Variants in CTNNA3 observed in about 807,000 individuals in gnomAD.
The protein encoded by CTNNA3 is catenin alpha-3.
In CTNNA3, 76 loss-of-function variants were observed where a neutral mutation model predicts 95.7. The observed-to-expected ratio is 0.79, with a 90% CI of 0.66 to 0.96. The LOEUF (loss-of-function observed/expected upper bound fraction) is 0.96. Ranked by LOEUF, CTNNA3 falls within the 40% of genes least tolerant of loss-of-function variation. The pLI, the probability that CTNNA3 is intolerant of heterozygous loss-of-function variation, is 0.00. For missense variants in CTNNA3, 1,191 were observed against 1,089.8 expected (o/e 1.09, Z -1.31); for synonymous variants, 431 against 374.4 (o/e 1.15, Z -1.74).
chr10:67,696,103 C>T lies in CTNNA3; in HGVS notation c.-109G>A, dbSNP rs1840959598. On this transcript the variant is annotated 5_prime_UTR_variant, in exon 1 of 18. Transcript: ENST00000433211. ...GGACGGAAAAAGGCTTCTTGGTGGT[C>T]ACAGAGTTACAGAGTACCAAATTGA... 1 of 151,964 alleles carries T rather than the reference C, an allele frequency of 6.6e-6. No homozygotes were observed. The highest frequency in any genetic ancestry group is 2.1e-4 in the South Asian group (1 of 4,800). 9.4% of individuals were successfully genotyped at this position (151,964 alleles called of 1,614,324 possible). A position where few individuals can be genotyped will look rare whatever the true frequency, so the allele number is the denominator to read the frequency against.
chr10:67,295,337 T>C (rs1839992971), intron 5 of CTNNA3, among the ~76,000 whole-genome samples: 1 of 152,164 alleles, frequency 6.6e-6, no homozygotes, highest in African/African-American at 2.4e-5. Flanking sequence ...AACAGATAGA[T>C]CATAAATTGT....
intron 7 of CTNNA3, among the ~76,000 whole-genome samples, chr10:66,968,581 C>G (rs1849559073): frequency 6.6e-6 from 1 of 151,926 alleles, no homozygotes; most frequent in African/African-American, 2.4e-5. Context: ...AAGGTTGTCT[C>G]CTCAGTGCCT....
chr10:67,106,751 C>T (rs990423900), intron 7 of CTNNA3, among the ~76,000 whole-genome samples: 4 of 152,058 alleles, frequency 2.6e-5, no homozygotes, highest in African/African-American at 9.7e-5. Flanking sequence ...GTATAGACCC[C>T]AATGCTAAGT....
intron 10 of CTNNA3, among the ~76,000 whole-genome samples, chr10:66,544,263 T>C (rs890936175): frequency 8.6e-5 from 13 of 152,034 alleles, no homozygotes; most frequent in Non-Finnish European, 1.8e-4. Flanking sequence ...CCATGCAGCC[T>C]ATTAACCTAT....
chr10:67,548,010 C>T (rs1294248212), intron 3 of CTNNA3, among the ~76,000 whole-genome samples: 1 of 152,196 alleles, frequency 6.6e-6, no homozygotes, highest in African/African-American at 2.4e-5. Flanking sequence ...AGATGTTTAT[C>T]CCCGCCAAAT....
intron 14 of CTNNA3, among the ~76,000 whole-genome samples, chr10:66,079,717 A>G (rs1225325649): frequency 6.6e-6 from 1 of 151,846 alleles, no homozygotes; most frequent in Non-Finnish European, 1.5e-5. Flanking sequence ...TTATGATTCA[A>G]TATGACCAAG....
chr10:66,626,891 C>G (rs1052300649), intron 9 of CTNNA3, among the ~76,000 whole-genome samples: 5 of 151,746 alleles, frequency 3.3e-5, no homozygotes, highest in African/African-American at 4.8e-5. Flanking sequence ...CCAGGTGATT[C>G]TGATATACCA....
chr10:66,386,151 A>C (rs1464867170), intron 11 of CTNNA3, among the ~76,000 whole-genome samples: 1 of 152,200 alleles, frequency 6.6e-6, no homozygotes, highest in African/African-American at 2.4e-5. Flanking sequence ...GAGGAACTCA[A>C]ATTGTCTGTG....
At chr10:66,432,135 A>G (rs938712419) in intron 11 of CTNNA3, among the ~76,000 whole-genome samples, 1 of 152,062 alleles carries the variant, frequency 6.6e-6, no homozygotes, top group African/African-American at 2.4e-5. Context: ...TTAATAATAA[A>G]AAACAAATTT....
chr10:65,946,256 T>C (rs1459162284), intron 17 of CTNNA3, among the ~76,000 whole-genome samples: 1 of 152,222 alleles, frequency 6.6e-6, no homozygotes, highest in African/African-American at 2.4e-5. Context: ...TTTCATGTAC[T>C]ATACAGGCAT....
chr10:67,092,991 T>G (rs1857747026), intron 7 of CTNNA3, among the ~76,000 whole-genome samples: 1 of 152,050 alleles, frequency 6.6e-6, no homozygotes, highest in Admixed American at 6.6e-5. Flanking sequence ...GAGTAAGTTT[T>G]TATACCCCTG....
intron 4 of CTNNA3, among the ~76,000 whole-genome samples, chr10:67,528,802 A>C (rs1840227423): frequency 6.6e-6 from 1 of 152,208 alleles, no homozygotes; most frequent in South Asian, 2.1e-4. Flanking sequence ...CCATTTGCTG[A>C]GGTAATCCAT....
At chr10:65,964,746 A>G (rs1399164769) in intron 17 of CTNNA3, among the ~76,000 whole-genome samples, 1 of 152,224 alleles carries the variant, frequency 6.6e-6, no homozygotes, top group Non-Finnish European at 1.5e-5. Flanking sequence ...GGAAGAGTTT[A>G]TCCTCCAAAT....
At chr10:66,009,763 C>T (rs1361097331) in intron 15 of CTNNA3, among the ~76,000 whole-genome samples, 1 of 152,066 alleles carries the variant, frequency 6.6e-6, no homozygotes, top group African/African-American at 2.4e-5. Context: ...TATCTTAGTT[C>T]TTGAACAAGA....
intron 9 of CTNNA3, among the ~76,000 whole-genome samples, chr10:66,669,770 T>C (rs567270831): frequency 6.6e-6 from 1 of 152,146 alleles, no homozygotes; most frequent in African/African-American, 2.4e-5. Context: ...ATAAAATCTA[T>C]TGAGGAGGTA....
intron 5 of CTNNA3, among the ~76,000 whole-genome samples, chr10:67,467,529 TA>T (rs887283839): frequency 6.6e-6 from 1 of 152,112 alleles, no homozygotes; most frequent in African/African-American, 2.4e-5. Flanking sequence ...CCTTTACACC[TA>T]AAATGATAAA....
intron 11 of CTNNA3, among the ~76,000 whole-genome samples, chr10:66,476,319 G>A (rs1464775685): frequency 6.6e-6 from 1 of 152,060 alleles, no homozygotes; most frequent in Non-Finnish European, 1.5e-5. Flanking sequence ...CATGGCACAT[G>A]TTTACCTATG....
At chr10:67,223,415 G>T (rs1864745599) in intron 5 of CTNNA3, among the ~76,000 whole-genome samples, 1 of 152,136 alleles carries the variant, frequency 6.6e-6, no homozygotes, top group Non-Finnish European at 1.5e-5. Flanking sequence ...AGTTAATCAG[G>T]GATTTCTTTG....
At chr10:66,332,540 T>A (rs1035260677) in intron 12 of CTNNA3, among the ~76,000 whole-genome samples, 14 of 152,092 alleles carry the variant, frequency 9.2e-5, no homozygotes, top group African/African-American at 3.1e-4. Context: ...TATTGATTTG[T>A]GTGTGTTGAA....
Sources: allele counts gnomAD v4.1 joint callset (sites outside exome capture counted in the v4.1 genomes callset), GRCh38; gene constraint gnomAD v4.1.1; transcripts MANE v1.5; gene names NCBI Gene and HGNC (gene_info 2026-07-23, HGNC 2026-07-21).